Variants in SLAMF6 observed in about 807,000 individuals in gnomAD.
SLAMF6 encodes NK-T-B-antigen.
In SLAMF6, 21 loss-of-function variants were observed where a neutral mutation model predicts 38.3. The ratio of observed to expected loss-of-function variants is 0.55; its 90% CI spans 0.39 to 0.79. SLAMF6 has a LOEUF of 0.79. Ranked by LOEUF, SLAMF6 falls within the 30% of genes least tolerant of loss-of-function variation. The probability of loss-of-function intolerance (pLI) is 0.00; values close to 1 mark genes in which losing one functional copy is unlikely to be tolerated. For missense variants in SLAMF6, 341 were observed against 385.3 expected (o/e 0.89, Z 0.96); for synonymous variants, 152 against 146.3 (o/e 1.04, Z -0.28).
Position 160,486,204 on chromosome 1 carries a change from G to GA in SLAMF6, c.*502dup, listed in dbSNP as rs556486411. On this transcript the variant is annotated 3_prime_UTR_variant, in exon 8 of 8. Coordinates refer to ENST00000368057, the MANE Select transcript of SLAMF6 (RefSeq NM_001184714.2). ...ATATAATGCAAATATTCCAAAATCTGAAAAAAAATTGAAATCTGAAACATT... is the reference window on the plus strand; with the variant it reads ...ATATAATGCAAATATTCCAAAATCTGAAAAAAAAATTGAAATCTGAAACATT... 480 of 152,528 alleles carry GA rather than the reference G, an allele frequency of 3.1e-3. 1 individual carries two copies. Among genetic ancestry groups the GA allele is most frequent in the South Asian group, 9.6e-3 (46 of 4,786 alleles). 9.4% of individuals were successfully genotyped at this position (152,528 alleles called of 1,614,324 possible).
At chr1:160,495,575 C>A (rs1276211261) in intron 2 of SLAMF6, among the ~76,000 whole-genome samples, 2 of 152,118 alleles carry the variant, frequency 1.3e-5, no homozygotes, top group Non-Finnish European at 2.9e-5. Context: ...GTACACTGAC[C>A]ACTCTACTGG....
At chr1:160,518,346 G>A (rs965747027) in intron 1 of SLAMF6, among the ~76,000 whole-genome samples, 4 of 152,158 alleles carry the variant, frequency 2.6e-5, no homozygotes, top group Non-Finnish European at 5.9e-5. Flanking sequence ...AAGACAATGC[G>A]GGGACTCCTC....
chr1:160,486,576 G>A lies in SLAMF6; in HGVS notation c.*131C>T. On this transcript the variant is annotated 3_prime_UTR_variant, in exon 8 of 8. Coordinates refer to ENST00000368057, the MANE Select transcript of SLAMF6 (RefSeq NM_001184714.2). ...CAGGTTTAAGTCCGAAGGACTGGAG[G>A]TGATCATCCTATCCTAGATATTCAA... 2 of 890,822 alleles carry A rather than the reference G, an allele frequency of 2.2e-6. No individual in the cohort carries two copies. The highest frequency in any genetic ancestry group is 3.6e-6 in the Non-Finnish European group (2 of 562,428). The allele number at this position is 890,822 out of a possible 1,614,324, so 55.2% of individuals were successfully genotyped here.
intron 3 of SLAMF6, 52 bp downstream of exon 3, chr1:160,491,073 G>T: frequency 1.3e-6 from 2 of 1,597,678 alleles, no homozygotes; most frequent in Non-Finnish European, 1.7e-6. Context: ...ATGTGAGGAC[G>T]CGTTAAACCC....
At chr1:160,517,553 C>T (rs1195147964) in intron 1 of SLAMF6, among the ~76,000 whole-genome samples, 1 of 152,132 alleles carries the variant, frequency 6.6e-6, no homozygotes, top group Non-Finnish European at 1.5e-5. Flanking sequence ...TATATGCATG[C>T]ATATGTTCAT....
intron 1 of SLAMF6, among the ~76,000 whole-genome samples, chr1:160,498,107 T>C (rs1653689612): frequency 6.6e-6 from 1 of 152,162 alleles, no homozygotes; most frequent in African/African-American, 2.4e-5. Flanking sequence ...GTATAACTGT[T>C]TCCTTTTCTC....
chr1:160,496,439 C>T (rs1357625542), intron 1 of SLAMF6, 46 bp from the exon 2 acceptor site: 5 of 1,581,292 alleles, frequency 3.2e-6, no homozygotes, highest in Admixed American at 1.7e-5. Context: ...CTGACCATCT[C>T]CCTGCCAAGT....
In SLAMF6 at chr1:160,489,129, T is replaced by C. The variant is rs1653129414; in HGVS notation, c.838A>G (p.Thr280Ala). Reference protein sequence around the residue: ...RNLEYVSVSPTNNTVYASVTH... With the variant: ...RNLEYVSVSPANNTVYASVTH... ...ACTGAAGCATACACAGTGTTGTTCG[T>C]TGGAGACACTGAAACATACTCTAGG... The change falls in exon 6 of 8, where the codon ACG becomes GCG. Residue 280 changes from threonine (T) to alanine (A), a missense_variant. Thr to Ala is a moderately conservative substitution (Grantham distance 58, BLOSUM62 0). Transcript: ENST00000368057. The C allele has an allele frequency of 3.1e-6, 5 of 1,613,942 alleles. No individual in the cohort carries two copies. The highest frequency in any genetic ancestry group is 4.2e-6 in the Non-Finnish European group (5 of 1,179,858).
intron 4 of SLAMF6, 89 bp from the exon 5 acceptor site, chr1:160,490,325 G>C (rs373463376): frequency 6.3e-7 from 1 of 1,593,958 alleles, no homozygotes; most frequent in African/African-American, 1.3e-5. Context: ...GATGTGGTGG[G>C]AGGGGACCCA....
intron 1 of SLAMF6, among the ~76,000 whole-genome samples, chr1:160,504,235 T>C (rs1206285039): frequency 6.6e-6 from 1 of 152,108 alleles, no homozygotes; most frequent in African/African-American, 2.4e-5. Flanking sequence ...TTGTATTGTA[T>C]ACCGAACATT....
chr1:160,503,993 G>A (rs1571301137), intron 1 of SLAMF6, among the ~76,000 whole-genome samples: 1 of 144,038 alleles, frequency 6.9e-6, no homozygotes, highest in African/African-American at 2.7e-5. Flanking sequence ...ACTCCAGCCT[G>A]GGTGACAGAG....
intron 1 of SLAMF6, among the ~76,000 whole-genome samples, chr1:160,503,240 T>C (rs1391971662): frequency 6.6e-6 from 1 of 152,104 alleles, no homozygotes; most frequent in African/African-American, 2.4e-5. Context: ...GGAAGACGGA[T>C]GAGACATGTA....
At chr1:160,503,347 A>G (rs1654012289) in intron 1 of SLAMF6, among the ~76,000 whole-genome samples, 1 of 152,082 alleles carries the variant, frequency 6.6e-6, no homozygotes, top group South Asian at 2.1e-4. Context: ...GTTGACACGC[A>G]CCATTCATGG....
intron 2 of SLAMF6, among the ~76,000 whole-genome samples, chr1:160,492,306 T>G (rs1294853845): frequency 1.3e-5 from 2 of 152,026 alleles, no homozygotes; most frequent in African/African-American, 4.8e-5. Context: ...TGAGTAGGAG[T>G]TGTGGAGTAT....
At chr1:160,506,856 G>A (rs1043134954) in intron 1 of SLAMF6, among the ~76,000 whole-genome samples, 1 of 151,890 alleles carries the variant, frequency 6.6e-6, no homozygotes, top group Non-Finnish European at 1.5e-5. Flanking sequence ...AAGTTGAAGA[G>A]GTTAAATGTA....
rs1455168101 is a variant in SLAMF6, at chr1:160,491,373, A to G, written c.398T>C (p.Ile133Thr). ...TLRILRQLRN[I>T]QVTNHSQLFQ... The stretch of plus-strand genomic sequence containing the variant: ...TAGCTGACTGTGATTGGTAACTTGT[A>G]TGTTCCTCAGTTGTCCTGTTTGCAG... The change falls in exon 3 of 8, where the codon ATA becomes ACA. Residue 133 changes from isoleucine (I) to threonine (T), a missense_variant. Coordinates refer to ENST00000368057, the MANE Select transcript of SLAMF6 (RefSeq NM_001184714.2). 6.2e-7 allele frequency: 1 copy of G among 1,613,498 alleles called. No individual in the cohort carries two copies. The highest frequency in any genetic ancestry group is 8.5e-7 in the Non-Finnish European group (1 of 1,179,710).
intron 1 of SLAMF6, among the ~76,000 whole-genome samples, chr1:160,515,328 G>T (rs1181964511): frequency 6.6e-6 from 1 of 152,116 alleles, no homozygotes; most frequent in Non-Finnish European, 1.5e-5. Flanking sequence ...CTGAATCCCT[G>T]AATAGACCAA....
At position 160,516,354 on chromosome 1, in the gene SLAMF6, G is replaced by A. The variant is rs145763519; in HGVS notation, c.49+6790C>T. Among the ~76,000 whole-genome samples, 758 of 152,164 alleles carry A rather than the reference G, an allele frequency of 5.0e-3. 4 individuals carry two copies. Among genetic ancestry groups the A allele is most frequent in the African/African-American group, 0.017 (717 of 41,506 alleles). On this transcript the variant is annotated intron_variant, in intron 1 of 7. Transcript: ENST00000368057. ...AACCACTGCTCAAGGAAACCAGAGA[G>A]GACACAAACAAATGGAAAAATATTC... is the stretch of plus-strand genomic sequence containing the variant.
chr1:160,492,482 T>C (rs1339648192), intron 2 of SLAMF6, among the ~76,000 whole-genome samples: 1 of 152,184 alleles, frequency 6.6e-6, no homozygotes, highest in Non-Finnish European at 1.5e-5. Flanking sequence ...TAATACCCAC[T>C]TCTCAGGTAA....
Sources: allele counts gnomAD v4.1 joint callset (sites outside exome capture counted in the v4.1 genomes callset), GRCh38; gene constraint gnomAD v4.1.1; transcripts MANE v1.5; gene names NCBI Gene and HGNC (gene_info 2026-07-23, HGNC 2026-07-21).